The following ITGB6 variants were observed in gnomAD, a reference collection of about 807,000 sequenced individuals.
The protein encoded by ITGB6 is integrin subunit beta 6.
A neutral mutation model predicts 84.5 loss-of-function variants in ITGB6; 80 were observed. The observed-to-expected ratio is 0.95, with a 90% CI of 0.79 to 1.14. ITGB6 has a LOEUF of 1.14. Among genes scored for constraint, ITGB6 ranks in the 50% most tolerant of loss-of-function variants. ITGB6 has a pLI of 0.00. For missense variants in ITGB6, 1,006 were observed against 968.0 expected, an observed-to-expected ratio of 1.04 and a Z score of -0.52; for synonymous variants, 383 against 354.9, an observed-to-expected ratio of 1.08 and a Z score of -0.89.
chr2:160,166,610 A>C lies in ITGB6; in HGVS notation c.1017+2602T>G, dbSNP rs371151652. On this transcript the variant is annotated intron_variant, in intron 7 of 14. Transcript: ENST00000283249. ...GAGGAAATATAAAAACTTTTTTTTA[A>C]CTTGGGTAATTGAATCCTGATTCAA... Among the ~76,000 whole-genome samples the C allele has an allele frequency of 3.5e-4, 53 of 152,306 alleles. No homozygotes were observed. The East Asian group carries it at 8.3e-3, about 24-fold the overall frequency.
At chr2:160,192,148 A>G (rs773162646) in intron 4 of ITGB6, among the ~76,000 whole-genome samples, 12 of 152,170 alleles carry the variant, frequency 7.9e-5, no homozygotes, top group Non-Finnish European at 1.8e-4. Flanking sequence ...TTATATGGAA[A>G]TGCAAAGGAT....
intron 7 of ITGB6, among the ~76,000 whole-genome samples, chr2:160,167,822 G>A (rs1024028283): frequency 6.6e-5 from 10 of 152,064 alleles, no homozygotes; most frequent in Non-Finnish European, 1.3e-4. Context: ...ATCATCAATC[G>A]CATTCCCCAG....
rs528425442 is a variant in ITGB6 at position 160,186,339 on chromosome 2, T to C, written c.593+9030A>G. Among the ~76,000 whole-genome samples the C allele has an allele frequency of 4.0e-5, 6 of 151,046 alleles. No individual in the cohort carries two copies. The South Asian group carries it at 6.3e-4, about 16-fold the overall frequency. On this transcript the variant is annotated intron_variant, in intron 4 of 14. Coordinates refer to ENST00000283249, the MANE Select transcript of ITGB6 (RefSeq NM_000888.5). The stretch of plus-strand genomic sequence containing the variant: ...CAGACACTTCTCAAAAGAAGACATT[T>C]ATACGGCCAAGAAACATATGAAAAA...
At chr2:160,173,535 T>C (rs902989741) in intron 5 of ITGB6, among the ~76,000 whole-genome samples, 1 of 152,234 alleles carries the variant, frequency 6.6e-6, no homozygotes, top group African/African-American at 2.4e-5. Context: ...CCTGTAATGT[T>C]GTAGAGACAG....
intron 4 of ITGB6, among the ~76,000 whole-genome samples, chr2:160,178,154 C>T (rs1233968614): frequency 2.0e-5 from 3 of 152,320 alleles, no homozygotes; most frequent in Non-Finnish European, 2.9e-5. Context: ...CGAGTACAGG[C>T]GTGCACCACT....
intron 5 of ITGB6, among the ~76,000 whole-genome samples, chr2:160,173,124 G>C (rs1685281126): frequency 6.6e-6 from 1 of 152,124 alleles, no homozygotes; most frequent in South Asian, 2.1e-4. Context: ...TGTTAAAGGG[G>C]CTCAGAGTAA....
chr2:160,139,585 A>C (rs1683911609), intron 8 of ITGB6, among the ~76,000 whole-genome samples: 1 of 152,208 alleles, frequency 6.6e-6, no homozygotes, highest in Middle Eastern at 3.2e-3. Context: ...AATTATGAGG[A>C]CTAGTGGATG....
At chr2:160,116,119 C>T (rs1416971840) in intron 12 of ITGB6, among the ~76,000 whole-genome samples, 1 of 147,902 alleles carries the variant, frequency 6.8e-6, no homozygotes, top group East Asian at 1.9e-4. Flanking sequence ...CTTCCCCAAT[C>T]TAGCAAGGCA....
intron 10 of ITGB6, among the ~76,000 whole-genome samples, chr2:160,133,153 T>C (rs1427148863): frequency 6.6e-6 from 1 of 152,122 alleles, no homozygotes; most frequent in African/African-American, 2.4e-5. Context: ...ATCAGTGTGC[T>C]GTATTCAGGA....
At chr2:160,152,475 A>G (rs190985886) in intron 7 of ITGB6, among the ~76,000 whole-genome samples, 288 of 152,290 alleles carry the variant, frequency 1.9e-3, no homozygotes, top group African/African-American at 6.3e-3. Context: ...TTTATGACAA[A>G]CCCACAGCCA....
At chr2:160,105,711 G>A (rs1451550011) in intron 14 of ITGB6, among the ~76,000 whole-genome samples, 1 of 152,082 alleles carries the variant, frequency 6.6e-6, no homozygotes, top group Non-Finnish European at 1.5e-5. Context: ...TCTTTTACCT[G>A]GTTGCCCTTC....
rs1322574269 is a variant in ITGB6 at position 160,195,591 on chromosome 2, T to C, written c.371A>G (p.His124Arg). ...CGGGTAGTCCTCAGTCTGGCGGACA[T>C]GCACCTGCAGAGTCTGCGCACCACC... ...RPGGAQTLQV[H>R]VRQTEDYPVD... The change falls in exon 4 of 15, where the codon CAT (histidine) becomes CGT (arginine). Residue 124 changes from histidine (H) to arginine (R), a missense_variant. Coordinates refer to ENST00000283249, the MANE Select transcript of ITGB6 (RefSeq NM_000888.5). 1.2e-6 allele frequency: 2 copies of C among 1,613,978 alleles called. No individual in the cohort carries two copies. Among genetic ancestry groups the C allele is most frequent in the Admixed American group, 3.3e-5 (2 of 59,992 alleles).
chr2:160,122,935 C>G (rs995483022), intron 12 of ITGB6, among the ~76,000 whole-genome samples: 3 of 152,158 alleles, frequency 2.0e-5, no homozygotes, highest in Non-Finnish European at 4.4e-5. Flanking sequence ...TACATCTTGG[C>G]CACATCTCTA....
At chr2:160,175,536 C>T (rs1442940119) in intron 4 of ITGB6, among the ~76,000 whole-genome samples, 1 of 152,194 alleles carries the variant, frequency 6.6e-6, no homozygotes, top group Non-Finnish European at 1.5e-5. Context: ...ATAGTACCAC[C>T]TTTCTTTCAT....
chr2:160,106,572 G>A (rs1170735133), intron 14 of ITGB6, among the ~76,000 whole-genome samples: 1 of 152,160 alleles, frequency 6.6e-6, no homozygotes, highest in African/African-American at 2.4e-5. Context: ...ATTTTTACAG[G>A]TGGACTGTTC....
chr2:160,137,772 C>G lies in ITGB6; in HGVS notation c.1322G>C (p.Gly441Ala), dbSNP rs1338460810. The part of the protein sequence containing the change: ...RHIIIKPVGL[G>A]DALELLVSPE... ...GCTGACAAGTAATTCCAGGGCATCC[C>G]CCAGCCCCACAGGCTTTATGATAAT... Residue 441 changes from glycine (G) to alanine (A), a missense_variant, in exon 10 of 15, where the codon GGG becomes GCG. Physicochemically the swap from Gly to Ala is moderately conservative, Grantham distance 60 (BLOSUM62 0). Transcript: ENST00000283249. 1 of 1,614,060 alleles carries G rather than the reference C, an allele frequency of 6.2e-7. No individual in the cohort carries two copies. The highest frequency in any genetic ancestry group is 8.5e-7 in the Non-Finnish European group (1 of 1,180,022).
chr2:160,185,451 C>G (rs1685856794), intron 4 of ITGB6, among the ~76,000 whole-genome samples: 1 of 152,138 alleles, frequency 6.6e-6, no homozygotes, highest in Admixed American at 6.5e-5. Context: ...GAACTACAAA[C>G]CACTGCTCAA....
At chr2:160,184,321 C>A (rs556630130) in intron 4 of ITGB6, among the ~76,000 whole-genome samples, 53 of 152,274 alleles carry the variant, frequency 3.5e-4, no homozygotes, top group Non-Finnish European at 6.3e-4. Context: ...CACAGAAATA[C>A]AAAGTACCAC....
chr2:160,196,013 CT>C (rs1414318942), intron 3 of ITGB6, among the ~76,000 whole-genome samples: 2 of 152,038 alleles, frequency 1.3e-5, no homozygotes, highest in Non-Finnish European at 2.9e-5. Flanking sequence ...TTAGAGAAGG[CT>C]TTTTTAGTAA....
Sources: gnomAD v4.1 joint callset for allele counts (sites outside exome capture counted in the v4.1 genomes callset) on GRCh38, gnomAD v4.1.1 for gene constraint, MANE v1.5 for transcripts, NCBI Gene and HGNC (gene_info 2026-07-23, HGNC 2026-07-21) for gene names.